Variants in HOMER2 observed in about 807,000 individuals in gnomAD.
HOMER2 encodes homer scaffold protein 2.
Under a neutral mutation model 47.0 loss-of-function variants are expected in HOMER2, and 27 were observed. The ratio of observed to expected loss-of-function variants is 0.57; its 90% CI spans 0.42 to 0.79. HOMER2 has a LOEUF of 0.79. Ranked by LOEUF, HOMER2 falls within the 30% of genes least tolerant of loss-of-function variation. HOMER2 has a pLI of 0.00. For synonymous variants in HOMER2, 161 were observed against 163.8 expected (o/e 0.98, Z 0.13); for missense variants, 443 against 435.0 (o/e 1.02, Z -0.16).
chr15:82,842,909 T>G (rs949241854), exon 2 of HOMER2: 1 of 152,110 alleles, frequency 6.6e-6, no homozygotes. Context: ...TTAAAATTTT[T>G]TTTAGAGACA....
chr15:82,937,615 T>A (rs1012356642), intron 1 of HOMER2, among the ~76,000 whole-genome samples: 2 of 152,212 alleles, frequency 1.3e-5, no homozygotes, highest in African/African-American at 4.8e-5. Flanking sequence ...AAAGAGGTCA[T>A]GCTGGTGAGA....
chr15:82,963,730 T>C (rs984565201), intron 1 of HOMER2, among the ~76,000 whole-genome samples: 1 of 152,208 alleles, frequency 6.6e-6, no homozygotes, highest in Non-Finnish European at 1.5e-5. Context: ...TGCCTGGAGC[T>C]GTGAAGGTAA....
At chr15:82,871,489 C>G (rs1567025251) in intron 3 of HOMER2, among the ~76,000 whole-genome samples, 1 of 152,220 alleles carries the variant, frequency 6.6e-6, no homozygotes, top group East Asian at 1.9e-4. Flanking sequence ...AGCTAACTGT[C>G]ACTTGTTGAG....
At chr15:82,950,280 C>T (rs1391672822) in intron 1 of HOMER2, among the ~76,000 whole-genome samples, 1 of 152,152 alleles carries the variant, frequency 6.6e-6, no homozygotes, top group East Asian at 1.9e-4. Context: ...TAACACAGAA[C>T]ACTTCGCAGA....
intron 1 of HOMER2, among the ~76,000 whole-genome samples, chr15:82,978,258 G>A (rs1231271779): frequency 6.6e-6 from 1 of 152,190 alleles, no homozygotes; most frequent in African/African-American, 2.4e-5. Context: ...TGCTAAAGAT[G>A]TGAAAGACAT....
chr15:82,949,575 T>C (rs1355359767), intron 1 of HOMER2, among the ~76,000 whole-genome samples: 1 of 151,562 alleles, frequency 6.6e-6, no homozygotes, highest in East Asian at 1.9e-4. Context: ...GTATGGAGAG[T>C]GAACAAATGG....
At chr15:82,953,294 C>T (rs2054545688), upstream of HOMER2, among the ~76,000 whole-genome samples, 1 of 152,130 alleles carries the variant, frequency 6.6e-6, no homozygotes, top group Admixed American at 6.5e-5. Context: ...GCTCTGGGCT[C>T]TTTCCTGGAT....
chr15:82,983,980 G>T (rs928427598), intron 1 of HOMER2, among the ~76,000 whole-genome samples: 2 of 151,572 alleles, frequency 1.3e-5, no homozygotes, highest in Non-Finnish European at 2.9e-5. Flanking sequence ...ACTATAGCGC[G>T]CTAACCAATT....
chr15:82,862,196 C>A (rs1596308604), intron 4 of HOMER2, among the ~76,000 whole-genome samples: 1 of 151,940 alleles, frequency 6.6e-6, no homozygotes, highest in East Asian at 1.9e-4. Flanking sequence ...AGCCGCTGTA[C>A]CCAGCCTTAA....
chr15:82,869,837 G>C (rs756676749), intron 3 of HOMER2, among the ~76,000 whole-genome samples: 7 of 152,066 alleles, frequency 4.6e-5, no homozygotes, highest in Non-Finnish European at 8.8e-5. Context: ...CTGGATGTTA[G>C]GGCTTTTAAA....
chr15:82,921,593 T>A (rs12050725), intron 1 of HOMER2, among the ~76,000 whole-genome samples: 35,312 of 152,168 alleles, frequency 0.23, 4,552 homozygotes, highest in East Asian at 0.62. Context: ...CCCGCTGATA[T>A]GCACAGTGTC....
intron 1 of HOMER2, among the ~76,000 whole-genome samples, chr15:82,976,677 G>GT (rs1262889924): frequency 1.4e-4 from 9 of 62,074 alleles, no homozygotes; most frequent in African/African-American, 2.3e-4. Context: ...ATTTGTGTGT[G>GT]GTTTTTTTTT....
At chr15:82,842,040 A>C (rs2051181197) in exon 2 of HOMER2, 1 of 152,242 alleles carries the variant, frequency 6.6e-6, no homozygotes, top group African/African-American at 2.4e-5. Context: ...GTTTACACTT[A>C]CATAAGTCTA....
At chr15:82,898,033 A>G (rs975529941) in intron 1 of HOMER2, among the ~76,000 whole-genome samples, 11 of 152,244 alleles carry the variant, frequency 7.2e-5, no homozygotes, top group African/African-American at 2.7e-4. Context: ...CAAGCAAACC[A>G]TAAATGTTCT....
intron 1 of HOMER2, among the ~76,000 whole-genome samples, chr15:82,946,168 T>C (rs2054376001): frequency 6.6e-6 from 1 of 152,190 alleles, no homozygotes; most frequent in Admixed American, 6.5e-5. Context: ...ACTGAGTCTA[T>C]TCGACAAAAA....
intron 4 of HOMER2, among the ~76,000 whole-genome samples, chr15:82,860,808 G>A (rs1010567632): frequency 5.3e-5 from 8 of 151,940 alleles, no homozygotes; most frequent in Non-Finnish European, 7.4e-5. Flanking sequence ...ATGGTGGCAG[G>A]CGCCTGTAAT....
upstream of HOMER2, among the ~76,000 whole-genome samples, chr15:82,954,005 A>C (rs74904252): frequency 1.5e-3 from 235 of 152,308 alleles, no homozygotes; most frequent in African/African-American, 5.5e-3. Flanking sequence ...TGAACCCAGG[A>C]GGCAGGGGTT....
Position 82,864,169 on chromosome 15 carries a change from G to T in HOMER2, c.385C>A (p.Gln129Lys). ...TACTTCATAGACTAATGTCTTACTT[G>T]GGAATGATTACTTGAGGTCTCGATT... ...EKIETSSNHS[Q>K]ASSVNGTDDE... is the part of the protein sequence containing the mutation. The change falls in exon 4 of 9, where the codon CAA (glutamine) becomes AAA (lysine). Residue 129 changes from glutamine (Q) to lysine (K), a missense_variant and splice_region_variant. Physicochemically the swap from Gln to Lys is moderately conservative, Grantham distance 53. Transcript: ENST00000450735. 1 of 1,601,972 alleles carries T rather than the reference G, an allele frequency of 6.2e-7. No individual in the cohort carries two copies. The highest frequency in any genetic ancestry group is 8.5e-7 in the Non-Finnish European group (1 of 1,170,926).
downstream of HOMER2, chr15:82,844,781 A>G (rs1162661072): frequency 6.6e-6 from 1 of 152,236 alleles, no homozygotes; most frequent in Non-Finnish European, 1.5e-5. Flanking sequence ...ATTTGATGCA[A>G]GGAATGTCTT....
Sources: allele counts gnomAD v4.1 joint callset (sites outside exome capture counted in the v4.1 genomes callset), GRCh38; gene constraint gnomAD v4.1.1; transcripts MANE v1.5; gene names NCBI Gene and HGNC (gene_info 2026-07-23, HGNC 2026-07-21).